Variants in STAM observed in about 807,000 individuals in gnomAD.
STAM encodes signal transducing adaptor molecule, also known as signal transducing adapter molecule 1.
In STAM, 16 loss-of-function variants were observed where a neutral mutation model predicts 63.4. That is an observed-to-expected ratio of 0.25 (90% CI 0.17 to 0.38). STAM has a LOEUF of 0.38. STAM is among the 10% of genes least tolerant of loss of function. STAM has a pLI of 1.00. For synonymous variants in STAM, 238 were observed against 223.9 expected, an observed-to-expected ratio of 1.06 and a Z score of -0.56; for missense variants, 636 against 657.1, an observed-to-expected ratio of 0.97 and a Z score of 0.35.
chr10:17,655,862 G>A (rs1833916333), intron 1 of STAM, among the ~76,000 whole-genome samples: 1 of 152,164 alleles, frequency 6.6e-6, no homozygotes, highest in South Asian at 2.1e-4. Context: ...CAGTGTTCCA[G>A]TCAAGACTGG....
At chr10:17,662,016 A>G (rs1370902248) in intron 2 of STAM, among the ~76,000 whole-genome samples, 6 of 151,956 alleles carry the variant, frequency 3.9e-5, no homozygotes, top group African/African-American at 1.5e-4. Flanking sequence ...CTCCATTTTT[A>G]TTTGTCCTAC....
intron 8 of STAM, among the ~76,000 whole-genome samples, chr10:17,697,396 C>T (rs1554827731): frequency 6.6e-6 from 1 of 152,072 alleles, no homozygotes; most frequent in Non-Finnish European, 1.5e-5. Flanking sequence ...AGGTTGGGAC[C>T]GTTTCTCTAG....
chr10:17,714,717 G>A lies in STAM; in HGVS notation c.1560G>A (p.Gln520=). 6.2e-7 allele frequency: 1 copy of A among 1,614,006 alleles called. No homozygotes were observed. Among genetic ancestry groups the A allele is most frequent in the Non-Finnish European group, 8.5e-7 (1 of 1,180,014 alleles). ...ACTTAACATCATCAACTCTGCCTCA[G>A]CCCGGAGGCAGCCAACAGCCACCTC... is the stretch of plus-strand genomic sequence containing the variant. ...NYNLTSSTLP[Q]PGGSQQPPQP... The change falls in exon 14 of 14, where the codon CAG becomes CAA. Residue 520 remains glutamine, a synonymous_variant. Transcript: ENST00000377524.
intron 10 of STAM, 108 bp from the exon 11 acceptor site, chr10:17,704,862 T>G: frequency 1.1e-6 from 1 of 949,410 alleles, no homozygotes; most frequent in South Asian, 1.7e-5. Flanking sequence ...TATATTTTTA[T>G]TACTCCAAAT....
chr10:17,689,101 C>T (rs1198615175), intron 5 of STAM, among the ~76,000 whole-genome samples: 1 of 152,210 alleles, frequency 6.6e-6, no homozygotes, highest in African/African-American at 2.4e-5. Flanking sequence ...CAAAAAAATT[C>T]AGTCTCTAAT....
At chr10:17,660,123 A>G (rs140097300) in intron 1 of STAM, among the ~76,000 whole-genome samples, 223 of 152,274 alleles carry the variant, frequency 1.5e-3, no homozygotes, top group African/African-American at 5.0e-3. Flanking sequence ...ATTTACTAGC[A>G]AGTAAATAAT....
chr10:17,682,181 G>A (rs1403424126), intron 2 of STAM, among the ~76,000 whole-genome samples: 1 of 152,062 alleles, frequency 6.6e-6, no homozygotes, highest in African/African-American at 2.4e-5. Flanking sequence ...GTACTAATAT[G>A]CATTGTCACT....
At chr10:17,655,281 G>A (rs1833893584) in intron 1 of STAM, among the ~76,000 whole-genome samples, 2 of 152,148 alleles carry the variant, frequency 1.3e-5, no homozygotes, top group South Asian at 4.1e-4. Flanking sequence ...TTTTATAATT[G>A]CCTGCAAGTA....
intron 1 of STAM, among the ~76,000 whole-genome samples, chr10:17,650,297 G>A (rs1833685807): frequency 1.3e-5 from 2 of 152,128 alleles, no homozygotes; most frequent in African/African-American, 4.8e-5. Flanking sequence ...TTCTACTTTG[G>A]TAAATAGGGA....
At chr10:17,677,430 G>A (rs1415393986) in intron 2 of STAM, among the ~76,000 whole-genome samples, 1 of 152,016 alleles carries the variant, frequency 6.6e-6, no homozygotes, top group African/African-American at 2.4e-5. Context: ...TTTAATTTTA[G>A]TATTCAAATA....
chr10:17,691,200 GT>G (rs1835516027), intron 5 of STAM, among the ~76,000 whole-genome samples: 1 of 152,122 alleles, frequency 6.6e-6, no homozygotes, highest in Non-Finnish European at 1.5e-5. Context: ...ACACCAAAAA[GT>G]TTTTTTCTTC....
chr10:17,672,412 G>A (rs1282896355), intron 2 of STAM, among the ~76,000 whole-genome samples: 4 of 152,196 alleles, frequency 2.6e-5, no homozygotes, highest in African/African-American at 9.6e-5. Context: ...TCATATACAT[G>A]TTTAACCTAC....
At chr10:17,655,216 G>T (rs186816985) in intron 1 of STAM, among the ~76,000 whole-genome samples, 62 of 152,214 alleles carry the variant, frequency 4.1e-4, no homozygotes, top group Non-Finnish European at 8.2e-4. Context: ...GCTACTTCTG[G>T]TAGGGTATGG....
intron 2 of STAM, among the ~76,000 whole-genome samples, chr10:17,663,297 CT>C (rs1455845441): frequency 6.6e-6 from 1 of 151,510 alleles, no homozygotes; most frequent in East Asian, 1.9e-4. Flanking sequence ...TATTTTTTGT[CT>C]TTTTGTTTTT....
intron 2 of STAM, chr10:17,673,111 AAG>A (rs1834707481): frequency 1.2e-6 from 1 of 841,974 alleles, no homozygotes; most frequent in Non-Finnish European, 1.4e-6. Flanking sequence ...AGACTCTTCT[AAG>A]TGCACGTGCA....
chr10:17,678,819 A>G (rs1482427609), intron 2 of STAM, among the ~76,000 whole-genome samples: 4 of 152,064 alleles, frequency 2.6e-5, no homozygotes, highest in South Asian at 4.2e-4. Flanking sequence ...ACTTTTTTCT[A>G]TGTTCTATCT....
intron 5 of STAM, among the ~76,000 whole-genome samples, chr10:17,689,947 C>T (rs1389235646): frequency 2.0e-5 from 3 of 152,178 alleles, no homozygotes; most frequent in Non-Finnish European, 2.9e-5. Flanking sequence ...GTGAAAACTG[C>T]GTTTCAGTCC....
At chr10:17,701,584 C>T (rs1264926684) in intron 9 of STAM, among the ~76,000 whole-genome samples, 4 of 152,140 alleles carry the variant, frequency 2.6e-5, no homozygotes, top group African/African-American at 7.2e-5. Context: ...TATTTACTGG[C>T]GGGCCATTAC....
At chr10:17,686,774 C>A (rs1241644152) in intron 4 of STAM, among the ~76,000 whole-genome samples, 1 of 152,168 alleles carries the variant, frequency 6.6e-6, no homozygotes, top group Non-Finnish European at 1.5e-5. Context: ...TGCTCCTTGA[C>A]CAAAATACAG....
Sources: allele counts gnomAD v4.1 joint callset (sites outside exome capture counted in the v4.1 genomes callset), GRCh38; gene constraint gnomAD v4.1.1; transcripts MANE v1.5; gene names NCBI Gene and HGNC (gene_info 2026-07-23, HGNC 2026-07-21).